COLEC10: variants seen among roughly 807,000 people sequenced by gnomAD.
COLEC10 encodes collectin subfamily member 10.
In COLEC10, 22 loss-of-function variants were observed where a neutral mutation model predicts 28.4. The ratio of observed to expected loss-of-function variants is 0.78; its 90% confidence interval spans 0.55 to 1.11. The LOEUF is 1.11. Among genes scored for constraint, COLEC10 ranks in the 50% least tolerant of loss-of-function variants. COLEC10 has a pLI of 0.00. For missense variants in COLEC10, 361 were observed against 344.1 expected, an observed-to-expected ratio of 1.05 and a Z score of -0.39; for synonymous variants, 125 against 116.1, an observed-to-expected ratio of 1.08 and a Z score of -0.49.
intron 2 of COLEC10, among the ~76,000 whole-genome samples, chr8:119,026,743 T>C (rs979752356): frequency 7.2e-5 from 11 of 152,112 alleles, no homozygotes; most frequent in African/African-American, 2.4e-4. Context: ...AAAAGGGAAG[T>C]TGGCCGTGGG....
chr8:119,086,245 G>A (rs1244218123), intron 1 of COLEC10, among the ~76,000 whole-genome samples: 1 of 152,022 alleles, frequency 6.6e-6, no homozygotes, highest in African/African-American at 2.4e-5. Flanking sequence ...TTGTAAAATT[G>A]AAATTAGCTT....
chr8:119,006,220 G>A (rs1393380677), intron 1 of COLEC10, among the ~76,000 whole-genome samples: 1 of 152,020 alleles, frequency 6.6e-6, no homozygotes, highest in African/African-American at 2.4e-5. Flanking sequence ...TGGTGTAAGT[G>A]GACCTGAGTA....
intron 2 of COLEC10, among the ~76,000 whole-genome samples, chr8:119,044,553 A>G (rs1456104703): frequency 3.3e-5 from 5 of 152,176 alleles, no homozygotes; most frequent in Non-Finnish European, 5.9e-5. Flanking sequence ...TAATTGAAAA[A>G]AACATAACTG....
intron 1 of COLEC10, among the ~76,000 whole-genome samples, chr8:119,006,961 A>G (rs539558117): frequency 3.9e-5 from 6 of 152,212 alleles, no homozygotes; most frequent in African/African-American, 1.2e-4. Flanking sequence ...AGGCAAATGT[A>G]GGCAGTGGTG....
chr8:118,979,724 G>A, the COLEC10 span, among the ~76,000 whole-genome samples: 25 of 152,116 alleles, frequency 1.6e-4, no homozygotes, highest in African/African-American at 5.8e-4. Context: ...AAATATACAA[G>A]AATGGATGCA....
chr8:118,990,769 T>C (rs1015116287), upstream of COLEC10, among the ~76,000 whole-genome samples: 2 of 151,952 alleles, frequency 1.3e-5, no homozygotes, highest in Non-Finnish European at 2.9e-5. Flanking sequence ...CACTGAGAAC[T>C]TCAAGGAAAT....
intron 1 of COLEC10, among the ~76,000 whole-genome samples, chr8:119,083,707 T>C (rs57984835): frequency 0.034 from 5,206 of 152,238 alleles, 135 homozygotes; most frequent in South Asian, 0.11. Context: ...AATTATTTAG[T>C]ATAAGATTTA....
chr8:118,994,559 A>G (rs747939989), upstream of COLEC10, among the ~76,000 whole-genome samples: 7 of 152,166 alleles, frequency 4.6e-5, no homozygotes, highest in Non-Finnish European at 1.0e-4. Flanking sequence ...TTGTTCAGAC[A>G]AGGAAACAAA....
intron 1 of COLEC10, among the ~76,000 whole-genome samples, chr8:119,088,494 G>C (rs970415082): frequency 1.3e-5 from 2 of 152,134 alleles, no homozygotes; most frequent in Non-Finnish European, 2.9e-5. Context: ...GACAATCTCT[G>C]GTCGTGTTTT....
chr8:118,995,322 A>G (rs1039238598), upstream of COLEC10: 1 of 152,212 alleles, frequency 6.6e-6, no homozygotes, highest in Non-Finnish European at 1.5e-5. Context: ...CCAGGCTGCC[A>G]GTAAACTCTG....
the COLEC10 span, among the ~76,000 whole-genome samples, chr8:118,953,317 T>C: frequency 5.3e-5 from 8 of 152,370 alleles, no homozygotes; most frequent in Admixed American, 1.3e-4. Flanking sequence ...TTTTGAATCG[T>C]AGTTTTGACA....
chr8:119,003,337 G>A (rs1586992164), intron 1 of COLEC10, among the ~76,000 whole-genome samples: 1 of 152,186 alleles, frequency 6.6e-6, no homozygotes, highest in South Asian at 2.1e-4. Context: ...TTTATGCCAA[G>A]TTCTAGTTTG....
At chr8:119,032,110 C>G (rs79757679) in intron 2 of COLEC10, among the ~76,000 whole-genome samples, 6,690 of 152,192 alleles carry the variant, frequency 0.044, 213 homozygotes, top group East Asian at 0.16. Context: ...TTGAGGTCAT[C>G]TTATTTTGTG....
At chr8:119,003,954 T>C (rs1813743907) in intron 1 of COLEC10, among the ~76,000 whole-genome samples, 1 of 152,058 alleles carries the variant, frequency 6.6e-6, no homozygotes, top group South Asian at 2.1e-4. Flanking sequence ...AGAAGGACCA[T>C]ACAGTTGATT....
intron 2 of COLEC10, among the ~76,000 whole-genome samples, chr8:119,035,268 T>A (rs1814368544): frequency 6.6e-6 from 1 of 151,214 alleles, no homozygotes; most frequent in African/African-American, 2.4e-5. Context: ...AGCCATTCTT[T>A]TATGTACTTT....
the COLEC10 span, among the ~76,000 whole-genome samples, chr8:118,958,101 C>T: frequency 6.6e-6 from 1 of 152,150 alleles, no homozygotes; most frequent in Non-Finnish European, 1.5e-5. Context: ...GCCCAGACTA[C>T]AGTGGGAGAG....
upstream of COLEC10, among the ~76,000 whole-genome samples, chr8:119,062,396 G>A (rs1455121991): frequency 6.6e-6 from 1 of 152,118 alleles, no homozygotes; most frequent in Non-Finnish European, 1.5e-5. Flanking sequence ...CAAACAGTGG[G>A]AGGCTTCTGA....
At chr8:119,067,196 C>T (rs1814982554), upstream of COLEC10, 27 of 1,409,478 alleles carry the variant, frequency 1.9e-5, no homozygotes, top group South Asian at 3.9e-5. Context: ...AATACTTCCC[C>T]TTCTTCCCCA....
the COLEC10 span, among the ~76,000 whole-genome samples, chr8:118,984,570 C>T: frequency 6.6e-6 from 1 of 152,006 alleles, no homozygotes. Flanking sequence ...GATCCTAATC[C>T]TGTGGCTCGT....
Sources: gnomAD v4.1 joint callset for allele counts (sites outside exome capture counted in the v4.1 genomes callset) on GRCh38, gnomAD v4.1.1 for gene constraint, MANE v1.5 for transcripts, NCBI Gene and HGNC (gene_info 2026-07-23, HGNC 2026-07-21) for gene names.